MAPK14: variants seen among roughly 807,000 people sequenced by gnomAD.
MAPK14 encodes CSAID-binding protein.
MAPK14 carries 16 observed loss-of-function variants against 49.6 expected under a neutral mutation model. The ratio of observed to expected loss-of-function variants is 0.32; its 90% CI spans 0.22 to 0.49. The LOEUF is 0.49. Ranked by LOEUF, MAPK14 falls within the 20% of genes least tolerant of loss-of-function variation. The probability of loss-of-function intolerance (pLI) is 0.99; values close to 1 mark genes in which losing one functional copy is unlikely to be tolerated. For synonymous variants in MAPK14, 142 were observed against 158.0 expected (o/e 0.90, Z 0.76); for missense variants, 200 against 441.2 (o/e 0.45, Z 4.90).
intron 8 of MAPK14, among the ~76,000 whole-genome samples, chr6:36,088,627 C>G (rs2127459386): frequency 6.6e-6 from 1 of 151,046 alleles, no homozygotes; most frequent in East Asian, 2.0e-4. Flanking sequence ...GAGGCTGGGG[C>G]AGGAGAATGA....
chr6:36,102,044 A>T (rs1765657036), intron 9 of MAPK14, among the ~76,000 whole-genome samples: 2 of 152,140 alleles, frequency 1.3e-5, no homozygotes, highest in Admixed American at 1.3e-4. Flanking sequence ...CTTCACTCCA[A>T]CCCTGTGAGG....
In MAPK14 at chr6:36,072,893, TG is replaced by T; in HGVS notation, c.331del (p.Ala111GlnfsTer3). On this transcript the variant is annotated frameshift_variant, in exon 4 of 12. Transcript: ENST00000229794. LOFTEE classifies it high-confidence loss of function. ...FNDVYLVTHL[M>X]GADLNNIVKC... is the part of the protein sequence containing the mutation. Reference sequence around the variant, plus strand: ...TCTAGGTATCTGGTGACCCATCTCATGGGGGCAGATCTGAACAACATTGTGA... The same window carrying T: ...TCTAGGTATCTGGTGACCCATCTCATGGGGCAGATCTGAACAACATTGTGA... 1 of 1,608,502 alleles carries T rather than the reference TG, an allele frequency of 6.2e-7. No homozygotes were observed. Among genetic ancestry groups the T allele is most frequent in the Non-Finnish European group, 8.5e-7 (1 of 1,176,648 alleles).
chr6:36,112,406 G>C (rs945144581), downstream of MAPK14, among the ~76,000 whole-genome samples: 1 of 152,170 alleles, frequency 6.6e-6, no homozygotes, highest in Non-Finnish European at 1.5e-5. Context: ...GACACTGGGG[G>C]ATAGGGGAAA....
chr6:36,039,309 C>A (rs1562099358), intron 1 of MAPK14, among the ~76,000 whole-genome samples: 3 of 152,130 alleles, frequency 2.0e-5, no homozygotes, highest in South Asian at 2.1e-4. Flanking sequence ...GGTAATAGAA[C>A]AAATGTTTAT....
At chr6:36,096,457 T>C (rs1449380638) in intron 9 of MAPK14, 1 of 169,132 alleles carries the variant, frequency 5.9e-6, no homozygotes, top group African/African-American at 2.4e-5. Context: ...TTTCACTGTT[T>C]CTAGTGTTTG....
chr6:36,054,431 A>G (rs1763515407), intron 2 of MAPK14, among the ~76,000 whole-genome samples: 1 of 152,236 alleles, frequency 6.6e-6, no homozygotes, highest in Admixed American at 6.5e-5. Context: ...TTTAGGGATC[A>G]TGGTATTAGA....
At chr6:36,088,107 A>C (rs1181087092) in intron 8 of MAPK14, among the ~76,000 whole-genome samples, 1 of 152,146 alleles carries the variant, frequency 6.6e-6, no homozygotes. Context: ...CCTTCCTTAC[A>C]CCTTATACAA....
the MAPK14 span, among the ~76,000 whole-genome samples, chr6:36,116,934 T>G: frequency 2.0e-5 from 3 of 152,350 alleles, no homozygotes; most frequent in East Asian, 3.9e-4. Context: ...TATCCTGATA[T>G]CAACGTTGAA....
rs1385022905 is a variant in MAPK14, at chr6:36,104,914, A to C, written c.841+2265A>C. ...TTGAAATCATGACATTGAAACCTCC[A>C]AAAGAACTAGATACCACTTTGCTAA... On this transcript the variant is annotated intron_variant, in intron 10 of 11. Coordinates refer to ENST00000229794, the MANE Select transcript of MAPK14 (RefSeq NM_139012.3). Among the ~76,000 whole-genome samples, 4 of 152,126 alleles carry C rather than the reference A, an allele frequency of 2.6e-5. No homozygotes were observed. In the East Asian group the frequency reaches 5.8e-4, roughly 22 times the overall value.
chr6:36,056,141 A>G (rs1763582249), intron 2 of MAPK14, among the ~76,000 whole-genome samples: 5 of 152,118 alleles, frequency 3.3e-5, no homozygotes, highest in Admixed American at 3.3e-4. Context: ...AATCATTTGA[A>G]TAGTTGAGCT....
At chr6:36,091,698 C>T (rs984496336) in intron 8 of MAPK14, among the ~76,000 whole-genome samples, 25 of 152,046 alleles carry the variant, frequency 1.6e-4, no homozygotes, top group African/African-American at 6.0e-4. Flanking sequence ...CATGTTTTAA[C>T]TTCCTTCATG....
intron 2 of MAPK14, among the ~76,000 whole-genome samples, chr6:36,056,677 T>C (rs957114422): frequency 6.6e-6 from 1 of 152,260 alleles, no homozygotes; most frequent in Non-Finnish European, 1.5e-5. Flanking sequence ...AGATCTCTAA[T>C]GATTTAGTTT....
chr6:36,079,256 T>C (rs1223296354), intron 8 of MAPK14, among the ~76,000 whole-genome samples: 1 of 152,210 alleles, frequency 6.6e-6, no homozygotes, highest in African/African-American at 2.4e-5. Flanking sequence ...TCTTTTCCAA[T>C]ATTCTGTTCT....
In MAPK14 at chr6:36,074,113, G is replaced by A; in HGVS notation, c.495+17G>A. 6.2e-7 allele frequency: 1 copy of A among 1,604,204 alleles called. No homozygotes were observed. Among genetic ancestry groups the A allele is most frequent in the Non-Finnish European group, 8.5e-7 (1 of 1,171,524 alleles). On this transcript the variant is annotated intron_variant, in intron 6 of 11. Transcript: ENST00000229794. ...GAGCTGAAGGTAAAATGAAGAGACA[G>A]TATTCATTGTTTGCTTTACTTTGAG... is the stretch of plus-strand genomic sequence containing the variant.
intron 5 of MAPK14, 87 bp from the exon 6 acceptor site, chr6:36,073,962 A>C (rs1363110522): frequency 9.6e-7 from 1 of 1,046,724 alleles, no homozygotes; most frequent in Non-Finnish European, 1.5e-6. Context: ...GAAGTCTTTT[A>C]TGTCTGGATC....
chr6:36,057,214 G>A (rs551559584), intron 2 of MAPK14, among the ~76,000 whole-genome samples: 1 of 152,258 alleles, frequency 6.6e-6, no homozygotes, highest in African/African-American at 2.4e-5. Context: ...TAGGAAATTG[G>A]TTAAGTTATG....
Position 36,076,036 on chromosome 6 carries a change from G to C in MAPK14, c.610+74G>C, listed in dbSNP as rs1036470082. ...TGCATTTGGGATTCTCAGAAATAGAGATGGTGGGAGTGGGAAGAAATGTCT... is the reference window on the plus strand; with the variant it reads ...TGCATTTGGGATTCTCAGAAATAGACATGGTGGGAGTGGGAAGAAATGTCT... On this transcript the variant is annotated intron_variant, in intron 7 of 11. Transcript: ENST00000229794. 2.6e-5 allele frequency: 38 copies of C among 1,470,460 alleles called. 1 individual carries two copies. The highest frequency in any genetic ancestry group is 3.6e-5 in the Non-Finnish European group (38 of 1,064,958). The allele number at this position is 1,470,460 out of a possible 1,614,324, so 91.1% of individuals were successfully genotyped here.
downstream of MAPK14, among the ~76,000 whole-genome samples, chr6:36,115,865 T>G (rs1351850194): frequency 1.3e-5 from 2 of 150,614 alleles, no homozygotes; most frequent in Admixed American, 1.3e-4. Context: ...GAGGTGGATC[T>G]TGCAGTAAGC....
At chr6:36,049,283 A>G (rs544465259) in intron 1 of MAPK14, among the ~76,000 whole-genome samples, 25 of 152,248 alleles carry the variant, frequency 1.6e-4, no homozygotes, top group African/African-American at 5.3e-4. Flanking sequence ...AGTAAATTCT[A>G]TTTTAGGGCC....
Sources: allele counts gnomAD v4.1 joint callset (sites outside exome capture counted in the v4.1 genomes callset), GRCh38; gene constraint gnomAD v4.1.1; transcripts MANE v1.5; gene names NCBI Gene and HGNC (gene_info 2026-07-23, HGNC 2026-07-21).